The following VTI1A variants were observed in gnomAD, a reference collection of about 807,000 sequenced individuals.
VTI1A encodes vesicle transport through interaction with t-SNAREs 1A.
In VTI1A, 22 loss-of-function variants were observed where a neutral mutation model predicts 34.9. The observed-to-expected ratio is 0.63, with a 90% CI of 0.45 to 0.90. The LOEUF is 0.90. Ranked by LOEUF, VTI1A falls within the 40% of genes least tolerant of loss-of-function variation. The pLI is 0.00. For missense variants in VTI1A, 268 were observed against 275.6 expected (o/e 0.97, Z 0.20); for synonymous variants, 87 against 97.3 (o/e 0.89, Z 0.62).
At chr10:112,801,669 G>A (rs1004734121) in intron 7 of VTI1A, among the ~76,000 whole-genome samples, 1 of 152,062 alleles carries the variant, frequency 6.6e-6, no homozygotes, top group Admixed American at 6.6e-5. Flanking sequence ...ATAAAAAATC[G>A]TGTGGTACCA....
chr10:112,638,757 A>G (rs1484367954), intron 5 of VTI1A, among the ~76,000 whole-genome samples: 1 of 143,372 alleles, frequency 7.0e-6, no homozygotes, highest in East Asian at 2.0e-4. Flanking sequence ...TTTTTTAACT[A>G]CAGAGATCTA....
intron 5 of VTI1A, among the ~76,000 whole-genome samples, chr10:112,572,319 T>C (rs764310029): frequency 7.2e-5 from 11 of 152,176 alleles, no homozygotes; most frequent in Non-Finnish European, 1.5e-4. Flanking sequence ...ATGAAAGGTA[T>C]GAGTGGTGGT....
intron 7 of VTI1A, among the ~76,000 whole-genome samples, chr10:112,813,107 CAGGTTGG>C (rs990814422): frequency 6.6e-6 from 1 of 152,180 alleles, no homozygotes; most frequent in Non-Finnish European, 1.5e-5. Flanking sequence ...CCAGTCCACA[CAGGTTGG>C]GCCCTTGGAA....
chr10:112,745,461 G>A (rs1850862976), intron 7 of VTI1A, among the ~76,000 whole-genome samples: 1 of 151,990 alleles, frequency 6.6e-6, no homozygotes, highest in African/African-American at 2.4e-5. Context: ...CTCTCACTAT[G>A]TTCACATTAC....
chr10:112,626,639 C>G (rs1158061002), intron 5 of VTI1A, among the ~76,000 whole-genome samples: 1 of 152,022 alleles, frequency 6.6e-6, no homozygotes, highest in Admixed American at 6.6e-5. Flanking sequence ...AAAACCAACT[C>G]TAGCCGCTTA....
At chr10:112,736,999 C>G (rs746194262) in intron 7 of VTI1A, 36 of 560,702 alleles carry the variant, frequency 6.4e-5, no homozygotes, top group Non-Finnish European at 1.0e-4. Context: ...CTTCCCATCC[C>G]AGAGCTTTAT....
chr10:112,802,736 G>A (rs960134887), intron 7 of VTI1A, among the ~76,000 whole-genome samples: 1 of 152,130 alleles, frequency 6.6e-6, no homozygotes, highest in Non-Finnish European at 1.5e-5. Flanking sequence ...TTTTTTTTAA[G>A]TACAGGCCTA....
rs1175664588 is a variant in VTI1A, at chr10:112,795,090, T to TC, written c.561-20199dup. Among the ~76,000 whole-genome samples, 8 of 152,232 alleles carry TC rather than the reference T, an allele frequency of 5.3e-5. 1 individual carries two copies. Among genetic ancestry groups the TC allele is most frequent in the Non-Finnish European group, 1.0e-4 (7 of 68,046 alleles). ...ACTTTAATCATAAATGCAAAGTGAC[T>TC]CACCTGGCATCATAGCCGTTTGGAA... On this transcript the variant is annotated intron_variant, in intron 7 of 7. Coordinates refer to ENST00000393077, the MANE Select transcript of VTI1A (RefSeq NM_145206.4).
chr10:112,538,641 G>C (rs1850744559), intron 5 of VTI1A: 1 of 236,216 alleles, frequency 4.2e-6, no homozygotes, highest in African/African-American at 2.3e-5. Context: ...ATGATTGCTA[G>C]CACATGGCGC....
intron 7 of VTI1A, among the ~76,000 whole-genome samples, chr10:112,719,469 G>A (rs997382552): frequency 1.2e-4 from 18 of 151,540 alleles, no homozygotes; most frequent in Admixed American, 5.9e-4. Context: ...TATATAATGC[G>A]CCCATTTAAA....
chr10:112,448,655 C>T lies in VTI1A; in HGVS notation c.94+1188C>T, dbSNP rs138849944. On this transcript the variant is annotated intron_variant, in intron 1 of 7. Transcript: ENST00000393077. ...ATCTGGCTGCTAGACTTGTCCCTAC[C>T]CTAGCTCCAGGATATAAAGTGTAGA... Among the ~76,000 whole-genome samples the T allele has an allele frequency of 2.0e-5, 3 of 152,182 alleles. No homozygotes were observed. In the East Asian group the frequency reaches 5.8e-4, roughly 29 times the overall value.
At chr10:112,545,368 A>C (rs1285023270) in intron 5 of VTI1A, among the ~76,000 whole-genome samples, 1 of 152,242 alleles carries the variant, frequency 6.6e-6, no homozygotes, top group Non-Finnish European at 1.5e-5. Flanking sequence ...GCTGAAAGCC[A>C]AGTTTATGAT....
intron 7 of VTI1A, among the ~76,000 whole-genome samples, chr10:112,743,790 C>T (rs886491341): frequency 2.0e-5 from 3 of 152,060 alleles, no homozygotes; most frequent in South Asian, 4.2e-4. Context: ...AAAATTATTT[C>T]GGTTATATAC....
intron 3 of VTI1A, among the ~76,000 whole-genome samples, chr10:112,491,035 G>C (rs1370757364): frequency 6.7e-6 from 1 of 149,862 alleles, no homozygotes; most frequent in East Asian, 2.0e-4. Context: ...CCTTTCCCCA[G>C]TATAAAGTGG....
chr10:112,777,300 G>A (rs1248350407), intron 7 of VTI1A, among the ~76,000 whole-genome samples: 1 of 152,184 alleles, frequency 6.6e-6, no homozygotes, highest in Non-Finnish European at 1.5e-5. Flanking sequence ...TGCCTTGTCT[G>A]AGTGGTGTCT....
At chr10:112,673,468 G>GCGCACACACACACACACA (rs1554938762) in intron 7 of VTI1A, among the ~76,000 whole-genome samples, 4 of 151,668 alleles carry the variant, frequency 2.6e-5, no homozygotes, top group African/African-American at 7.2e-5. Flanking sequence ...GCGTGCGCGC[G>GCGCACACACACACACACA]CACACACACA....
At position 112,455,172 on chromosome 10, in the gene VTI1A, TCCCCTCCCCTCCTCCCCTCAC is replaced by T. The variant is rs1847403293; in HGVS notation, c.95-5350_95-5330del. 2.2e-3 allele frequency among the ~76,000 whole-genome samples: 2 copies of T among 894 alleles called. 1 individual carries two copies. 0.6% of individuals were successfully genotyped at this position (894 alleles called of 152,430 possible). ...TCCCTCCCCTTCCCTCCTCCCCTCC[TCCCCTCCCCTCCTCCCCTCAC>T]CTCCCCCCTCCCCTCCCCTCCCCCC... is the stretch of plus-strand genomic sequence containing the variant. On this transcript the variant is annotated intron_variant, in intron 1 of 7. Transcript: ENST00000393077.
chr10:112,572,536 A>C (rs998971547), intron 5 of VTI1A, among the ~76,000 whole-genome samples: 1 of 152,202 alleles, frequency 6.6e-6, no homozygotes, highest in Non-Finnish European at 1.5e-5. Context: ...TAACTTTGTC[A>C]ATAAAAAAAT....
chr10:112,542,835 A>T (rs1850919095), intron 5 of VTI1A, among the ~76,000 whole-genome samples: 1 of 151,516 alleles, frequency 6.6e-6, no homozygotes, highest in African/African-American at 2.4e-5. Flanking sequence ...CACTCTCCCC[A>T]CCCCACAACA....
Sources: gnomAD v4.1 joint callset for allele counts (sites outside exome capture counted in the v4.1 genomes callset) on GRCh38, gnomAD v4.1.1 for gene constraint, MANE v1.5 for transcripts, NCBI Gene and HGNC (gene_info 2026-07-23, HGNC 2026-07-21) for gene names.